Variants in PRKN observed in about 807,000 individuals in gnomAD.
PRKN encodes the protein E3 ubiquitin-protein ligase parkin.
A neutral mutation model predicts 59.5 loss-of-function variants in PRKN; 56 were observed. The observed-to-expected ratio is 0.94, with a 90% confidence interval of 0.76 to 1.18. PRKN has a LOEUF of 1.18. PRKN is among the 50% of genes most tolerant of loss of function. PRKN has a pLI of 0.00. For synonymous variants in PRKN, 250 were observed against 222.1 expected (o/e 1.13, Z -1.12); for missense variants, 657 against 596.4 (o/e 1.10, Z -1.06).
Position 161,353,246 on chromosome 6 carries a change from T to A in PRKN, c.1286-3035A>T, listed in dbSNP as rs1416267874. Among the ~76,000 whole-genome samples the A allele has an allele frequency of 1.3e-5, 2 of 152,146 alleles. No homozygotes were observed. The highest frequency in any genetic ancestry group is 2.4e-5 in the African/African-American group (1 of 41,440). On this transcript the variant is annotated intron_variant, in intron 11 of 11. Transcript: ENST00000366898. The surrounding 1 kb of genome is among the most constrained non-coding windows in gnomAD (Gnocchi z 4.8). ...TCCTTTTACCAGCCCAGGGCAGGACTGGAACCATCCGCAGCTGTTCTGACT... is the reference window on the plus strand; with the variant it reads ...TCCTTTTACCAGCCCAGGGCAGGACAGGAACCATCCGCAGCTGTTCTGACT...
intron 1 of PRKN, among the ~76,000 whole-genome samples, chr6:162,543,572 C>G (rs912554541): frequency 8.5e-5 from 13 of 152,082 alleles, no homozygotes; most frequent in African/African-American, 3.1e-4. Context: ...GTCAGCTCGG[C>G]AAAACAAAAG....
At chr6:162,466,427 A>G (rs1214892595) in intron 1 of PRKN, among the ~76,000 whole-genome samples, 1 of 152,068 alleles carries the variant, frequency 6.6e-6, no homozygotes, top group Non-Finnish European at 1.5e-5. Flanking sequence ...GGGGCAGGGT[A>G]TCGCTCTGTC....
intron 9 of PRKN, among the ~76,000 whole-genome samples, chr6:161,492,421 C>T (rs1190278569): frequency 1.3e-5 from 2 of 152,200 alleles, no homozygotes; most frequent in Non-Finnish European, 2.9e-5. Context: ...GCATTAAGAA[C>T]TCCTGGGAGG....
intron 9 of PRKN, among the ~76,000 whole-genome samples, chr6:161,542,861 T>A (rs1779664218): frequency 6.6e-6 from 1 of 152,148 alleles, no homozygotes; most frequent in Non-Finnish European, 1.5e-5. Flanking sequence ...CCTGAAAACA[T>A]CATATATTTG....
In PRKN at chr6:161,561,929, T is replaced by C. The variant is rs1023131230; in HGVS notation, c.933+7426A>G. Among the ~76,000 whole-genome samples, 2 of 152,222 alleles carry C rather than the reference T, an allele frequency of 1.3e-5. No individual in the cohort carries two copies. The highest frequency in any genetic ancestry group is 4.8e-5 in the African/African-American group (2 of 41,468). On this transcript the variant is annotated intron_variant, in intron 8 of 11. Coordinates refer to ENST00000366898, the MANE Select transcript of PRKN (RefSeq NM_004562.3). The surrounding 1 kb of genome is among the most constrained non-coding windows in gnomAD (Gnocchi z 5.0). Reference sequence around the variant, plus strand: ...ACGCATCCCCCAAAACTGCTCATTATGGTCATTCGTGACTTTTGCCACAGT... The same window carrying C: ...ACGCATCCCCCAAAACTGCTCATTACGGTCATTCGTGACTTTTGCCACAGT...
At chr6:161,833,236 C>G (rs1283676776) in intron 6 of PRKN, among the ~76,000 whole-genome samples, 2 of 151,102 alleles carry the variant, frequency 1.3e-5, no homozygotes, top group Non-Finnish European at 2.9e-5. Flanking sequence ...AGCCGTGATC[C>G]CTGGAATGGG....
intron 2 of PRKN, among the ~76,000 whole-genome samples, chr6:162,265,878 G>T (rs1366881260): frequency 6.6e-6 from 1 of 152,152 alleles, no homozygotes; most frequent in African/African-American, 2.4e-5. Context: ...TTATGGCACT[G>T]AGATTTCTGC....
At chr6:162,381,658 G>A (rs139576151) in intron 2 of PRKN, among the ~76,000 whole-genome samples, 5 of 151,962 alleles carry the variant, frequency 3.3e-5, no homozygotes, top group African/African-American at 1.2e-4. Flanking sequence ...TGCTATACCT[G>A]TCCCCCCCAC....
chr6:162,395,080 G>A (rs1432507178), intron 2 of PRKN, among the ~76,000 whole-genome samples: 1 of 152,084 alleles, frequency 6.6e-6, no homozygotes, highest in African/African-American at 2.4e-5. Context: ...ACTCACCTAT[G>A]TAACTTTATT....
intron 3 of PRKN, among the ~76,000 whole-genome samples, chr6:162,233,389 T>C (rs1234837019): frequency 6.6e-6 from 1 of 152,174 alleles, no homozygotes; most frequent in Admixed American, 6.5e-5. Context: ...AAGGAACTTA[T>C]TCTAAGGAAA....
At chr6:162,482,236 A>G (rs914582835) in intron 1 of PRKN, among the ~76,000 whole-genome samples, 3 of 152,216 alleles carry the variant, frequency 2.0e-5, no homozygotes, top group Non-Finnish European at 2.9e-5. Flanking sequence ...CTTTACTACA[A>G]AAATATTTAA....
intron 7 of PRKN, among the ~76,000 whole-genome samples, chr6:161,750,534 G>A (rs182420458): frequency 6.4e-4 from 97 of 152,118 alleles, no homozygotes; most frequent in Admixed American, 2.8e-3. Flanking sequence ...TGGGGAGGCC[G>A]AGGCGGGTGG....
intron 9 of PRKN, among the ~76,000 whole-genome samples, chr6:161,424,633 C>T (rs967662062): frequency 1.3e-5 from 2 of 152,128 alleles, no homozygotes; most frequent in African/African-American, 4.8e-5. Flanking sequence ...CATTTAATTA[C>T]TTTAACAGCA....
At chr6:162,593,397 T>C (rs1248073408) in intron 1 of PRKN, among the ~76,000 whole-genome samples, 1 of 152,228 alleles carries the variant, frequency 6.6e-6, no homozygotes, top group Non-Finnish European at 1.5e-5. Context: ...ATGCTACATA[T>C]CTGGAAAACA....
At chr6:162,572,263 C>T (rs1780365694) in intron 1 of PRKN, among the ~76,000 whole-genome samples, 1 of 152,178 alleles carries the variant, frequency 6.6e-6, no homozygotes, top group Non-Finnish European at 1.5e-5. Context: ...TGATCTCCTG[C>T]ATAATGTTAA....
chr6:162,726,721 A>C (rs1779218706), intron 1 of PRKN, among the ~76,000 whole-genome samples: 1 of 152,220 alleles, frequency 6.6e-6, no homozygotes, highest in African/African-American at 2.4e-5. Context: ...TACTGCAATC[A>C]AAAGTGTTTT....
chr6:161,949,140 C>A (rs1446161672), intron 6 of PRKN, among the ~76,000 whole-genome samples: 2 of 152,178 alleles, frequency 1.3e-5, no homozygotes, highest in Non-Finnish European at 2.9e-5. Context: ...CCACACAACG[C>A]TATGAAGTCC....
At chr6:162,128,607 T>A (rs74978987) in intron 4 of PRKN, among the ~76,000 whole-genome samples, 2,932 of 152,324 alleles carry the variant, frequency 0.019, 102 homozygotes, top group African/African-American at 0.067. Flanking sequence ...AGTATCCTGA[T>A]AAGAAAAGTT....
chr6:161,630,063 C>T lies in PRKN; in HGVS notation c.872-60647G>A, dbSNP rs543387688. Among the ~76,000 whole-genome samples, 26 of 152,260 alleles carry T rather than the reference C, an allele frequency of 1.7e-4. No individual in the cohort carries two copies. The South Asian group carries it at 2.1e-3, about 12-fold the overall frequency. On this transcript the variant is annotated intron_variant, in intron 7 of 11. Transcript: ENST00000366898. ...AGCGTTCATTGTGCTTACACACCCACGGTATCATAATAACAGAAGCCTTTT... is the reference window on the plus strand; with the variant it reads ...AGCGTTCATTGTGCTTACACACCCATGGTATCATAATAACAGAAGCCTTTT...
Sources: gnomAD v4.1 joint callset for allele counts (sites outside exome capture counted in the v4.1 genomes callset) on GRCh38, gnomAD v4.1.1 for gene constraint, Gnocchi (gnomAD v3.1) non-coding constraint, MANE v1.5 for transcripts, NCBI Gene and HGNC (gene_info 2026-07-23, HGNC 2026-07-21) for gene names.